Variants in SANBR observed in about 807,000 individuals in gnomAD.
The protein encoded by SANBR is SANT and BTB domain regulator of CSR, also known as SANT and BTB domain regulator of class switch recombination.
Under a neutral mutation model 101.8 loss-of-function variants are expected in SANBR, and 77 were observed. The observed-to-expected ratio is 0.76, with a 90% confidence interval of 0.63 to 0.91. SANBR has a LOEUF of 0.91. SANBR is among the 40% of genes least tolerant of loss of function. The pLI, the probability that SANBR is intolerant of heterozygous loss-of-function variation, is 0.00. For missense variants in SANBR, 875 were observed against 853.0 expected, an observed-to-expected ratio of 1.03 and a Z score of -0.32; for synonymous variants, 279 against 274.7, an observed-to-expected ratio of 1.02 and a Z score of -0.15.
In SANBR at chr2:61,106,574, T is replaced by A. The variant is rs1683579441; in HGVS notation, c.1523T>A (p.Val508Asp). The change falls in exon 14 of 22, where the codon GTT becomes GAT. Residue 508 changes from valine (V) to aspartate (D), a missense_variant. By Grantham distance (152) the Val-to-Asp change is radical. Coordinates refer to ENST00000402291, the MANE Select transcript of SANBR (RefSeq NM_001129993.3). Reference protein sequence around the residue: ...FSKDTVSDVGVGLCDEKGIEC... With the variant: ...FSKDTVSDVGDGLCDEKGIEC... ...CTTTTTCTTTCAAGTGATGTTGGGG[T>A]TGGCCTCTGTGATGAAAAGGGTATA... The A allele has an allele frequency of 6.3e-7, 1 of 1,596,444 alleles. No homozygotes were observed. The highest frequency in any genetic ancestry group is 1.2e-5 in the South Asian group (1 of 86,350).
chr2:61,089,502 C>G (rs954145560), intron 10 of SANBR: 2 of 151,674 alleles, frequency 1.3e-5, no homozygotes, highest in Admixed American at 6.6e-5. Context: ...AAGACTCCAT[C>G]TGAAAAAAAT....
intron 19 of SANBR, 80 bp from the exon 20 acceptor site, chr2:61,117,948 G>A: frequency 1.0e-6 from 1 of 996,796 alleles, no homozygotes. Flanking sequence ...TAAACCCTAG[G>A]TGATTACAGT....
At chr2:61,093,156 AAAAAT>A (rs1418445952) in intron 11 of SANBR, 3 of 152,134 alleles carry the variant, frequency 2.0e-5, no homozygotes, top group East Asian at 1.9e-4. Context: ...AATAAAATAT[AAAAAT>A]AAAATAAAAC....
chr2:61,097,646 A>G, intron 11 of SANBR, 54 bp from the exon 12 acceptor site: 1 of 1,354,666 alleles, frequency 7.4e-7, no homozygotes. Context: ...GTATTTTTGA[A>G]ACATATAATT....
At chr2:61,128,767 T>G (rs1287647650), downstream of SANBR, among the ~76,000 whole-genome samples, 3 of 152,154 alleles carry the variant, frequency 2.0e-5, no homozygotes. Flanking sequence ...GTGCTGAGAT[T>G]ACTAGCGTGA....
intron 1 of SANBR, among the ~76,000 whole-genome samples, chr2:61,067,513 G>A (rs549550416): frequency 2.0e-5 from 3 of 152,104 alleles, no homozygotes; most frequent in East Asian, 3.8e-4. Context: ...CGAGACGGGC[G>A]GATCACGAGG....
intron 8 of SANBR, among the ~76,000 whole-genome samples, chr2:61,084,119 G>A (rs2441464): frequency 0.65 from 98,016 of 151,786 alleles, 33,746 homozygotes; most frequent in African/African-American, 0.89. Flanking sequence ...ATGCGCAGCT[G>A]ATTTTTGTAT....
intron 8 of SANBR, among the ~76,000 whole-genome samples, chr2:61,087,239 A>C (rs1682482197): frequency 6.6e-6 from 1 of 152,162 alleles, no homozygotes; most frequent in Non-Finnish European, 1.5e-5. Flanking sequence ...CAAAATCTTT[A>C]ATGTTGCATA....
At chr2:61,081,555 T>C (rs758333585) in intron 7 of SANBR, 45 bp downstream of exon 7, 3 of 1,473,200 alleles carry the variant, frequency 2.0e-6, no homozygotes, top group Non-Finnish European at 2.7e-6. Flanking sequence ...TGTTCACTTA[T>C]GCTTTCTTTT....
At chr2:61,124,873 A>G (rs74390686), downstream of SANBR, among the ~76,000 whole-genome samples, 1,290 of 152,258 alleles carry the variant, frequency 8.5e-3, 10 homozygotes, top group Non-Finnish European at 0.012. Context: ...GTACTGTGAG[A>G]TGTGCTTATT....
intron 10 of SANBR, chr2:61,090,541 G>C (rs1302877789): frequency 6.6e-6 from 1 of 152,014 alleles, no homozygotes; most frequent in African/African-American, 2.4e-5. Flanking sequence ...GTCTCTCTCT[G>C]TTGCTGAGGC....
chr2:61,101,370 T>G (rs1406704056), intron 12 of SANBR, among the ~76,000 whole-genome samples: 1 of 152,212 alleles, frequency 6.6e-6, no homozygotes, highest in Admixed American at 6.5e-5. Context: ...TGTGGTTAGT[T>G]TGTTTCCATT....
chr2:61,096,132 GAC>G (rs1020543655), intron 11 of SANBR, among the ~76,000 whole-genome samples: 5 of 151,970 alleles, frequency 3.3e-5, no homozygotes, highest in African/African-American at 1.2e-4. Flanking sequence ...CCGCAACCAT[GAC>G]ACAAAAACCC....
intron 4 of SANBR, among the ~76,000 whole-genome samples, chr2:61,072,821 C>CTTTTTTTTT (rs70959893): frequency 0.011 from 335 of 31,634 alleles, 51 homozygotes; most frequent in Non-Finnish European, 0.013. Context: ...TCTCATGTTA[C>CTTTTTTTTT]TTTTTTTTTT....
At chr2:61,103,017 A>T (rs1466777511) in intron 12 of SANBR, among the ~76,000 whole-genome samples, 4 of 152,300 alleles carry the variant, frequency 2.6e-5, no homozygotes, top group South Asian at 4.1e-4. Flanking sequence ...GAAACAAGCC[A>T]TCAGTGGTAG....
intron 21 of SANBR, among the ~76,000 whole-genome samples, chr2:61,136,726 C>A (rs1430705370): frequency 7.1e-6 from 1 of 140,356 alleles, no homozygotes; most frequent in Non-Finnish European, 1.6e-5. Flanking sequence ...AATCCCAGCA[C>A]TTTGGGAGGC....
At chr2:61,115,006 T>G (rs1684006499) in intron 16 of SANBR, among the ~76,000 whole-genome samples, 1 of 152,220 alleles carries the variant, frequency 6.6e-6, no homozygotes. Flanking sequence ...TCATGAGAGA[T>G]ATTTGTAGTT....
At chr2:61,106,492 T>TAA in intron 13 of SANBR, 71 bp from the exon 14 acceptor site, 1 of 1,016,768 alleles carries the variant, frequency 9.8e-7, no homozygotes, top group East Asian at 2.6e-5. Flanking sequence ...ACATTTGTAA[T>TAA]AAAAAGATAT....
chr2:61,111,261 C>T (rs536818718), intron 16 of SANBR, among the ~76,000 whole-genome samples: 31 of 152,128 alleles, frequency 2.0e-4, no homozygotes, highest in African/African-American at 6.7e-4. Context: ...GGCGTGGTGG[C>T]GGGCACCTGT....
Sources: gnomAD v4.1 joint callset for allele counts (sites outside exome capture counted in the v4.1 genomes callset) on GRCh38, gnomAD v4.1.1 for gene constraint, MANE v1.5 for transcripts, NCBI Gene and HGNC (gene_info 2026-07-23, HGNC 2026-07-21) for gene names.